Variants in UBE2D2 observed in about 807,000 individuals in gnomAD.
The protein encoded by UBE2D2 is ubiquitin conjugating enzyme E2 D2, also known as ubiquitin-conjugating enzyme E2 D2.
Under a neutral mutation model 24.2 loss-of-function variants are expected in UBE2D2, and 2 were observed. The observed-to-expected ratio is 0.08, with a 90% CI of 0.03 to 0.26. UBE2D2 has a LOEUF of 0.26. Among genes scored for constraint, UBE2D2 ranks in the 10% least tolerant of loss-of-function variants. UBE2D2 has a pLI of 1.00. For missense variants in UBE2D2, 44 were observed against 177.6 expected (o/e 0.25, Z 4.28); for synonymous variants, 58 against 56.5 (o/e 1.03, Z -0.12).
intron 1 of UBE2D2, among the ~76,000 whole-genome samples, chr5:139,565,924 A>G (rs1283023202): frequency 6.6e-6 from 1 of 152,172 alleles, no homozygotes; most frequent in Non-Finnish European, 1.5e-5. Flanking sequence ...GTACATTTTA[A>G]TGGTGTCCTA....
upstream of UBE2D2, among the ~76,000 whole-genome samples, chr5:139,558,749 G>A (rs573747350): frequency 6.6e-6 from 1 of 152,282 alleles, no homozygotes; most frequent in Non-Finnish European, 1.5e-5. Context: ...TGATGAGAGT[G>A]TGGGTGACTT....
At chr5:139,548,672 TATACAC>T (rs1561498728) in intron 1 of UBE2D2, among the ~76,000 whole-genome samples, 2 of 152,158 alleles carry the variant, frequency 1.3e-5, no homozygotes, top group Non-Finnish European at 2.9e-5. Context: ...CCACGAACTT[TATACAC>T]ACCACTTGTT....
chr5:139,582,770 A>G (rs1311567816), intron 1 of UBE2D2, among the ~76,000 whole-genome samples: 3 of 138,126 alleles, frequency 2.2e-5, no homozygotes, highest in African/African-American at 5.5e-5. Flanking sequence ...TCCTGGGTTC[A>G]CTCCATTCTC....
chr5:139,598,348 GTTC>G (rs1340178407), intron 1 of UBE2D2, among the ~76,000 whole-genome samples: 1 of 152,010 alleles, frequency 6.6e-6, no homozygotes, highest in Non-Finnish European at 1.5e-5. Context: ...ATCAAAACTA[GTTC>G]TTCTTGAGAA....
chr5:139,549,207 C>T (rs1050571354), intron 1 of UBE2D2, among the ~76,000 whole-genome samples: 5 of 152,182 alleles, frequency 3.3e-5, no homozygotes, highest in Non-Finnish European at 7.4e-5. Flanking sequence ...CTCACTCATT[C>T]TGGGCGCCTC....
At chr5:139,550,549 A>C (rs1016031625) in intron 1 of UBE2D2, among the ~76,000 whole-genome samples, 1 of 152,150 alleles carries the variant, frequency 6.6e-6, no homozygotes, top group Non-Finnish European at 1.5e-5. Flanking sequence ...CAACTGGCTC[A>C]GGTTCTCTTC....
chr5:139,533,150 A>G (rs1752618998), intron 1 of UBE2D2, among the ~76,000 whole-genome samples: 1 of 151,896 alleles, frequency 6.6e-6, no homozygotes, highest in African/African-American at 2.4e-5. Context: ...CTCAACTTAA[A>G]TATCCTTCAA....
chr5:139,555,334 C>T (rs547781260), intron 1 of UBE2D2, among the ~76,000 whole-genome samples: 1 of 152,068 alleles, frequency 6.6e-6, no homozygotes, highest in South Asian at 2.1e-4. Context: ...AGTCACTGCA[C>T]CCGGCCTAAC....
intron 1 of UBE2D2, among the ~76,000 whole-genome samples, chr5:139,553,310 T>C (rs1457911294): frequency 6.6e-6 from 1 of 152,180 alleles, no homozygotes. Context: ...AGCTCCCCTA[T>C]AGGGTTGCTG....
intron 5 of UBE2D2, among the ~76,000 whole-genome samples, chr5:139,619,857 C>G (rs752670644): frequency 5.4e-5 from 8 of 147,682 alleles, no homozygotes; most frequent in Non-Finnish European, 9.1e-5. Flanking sequence ...GAGTGAAACT[C>G]CGTCTCAAAA....
chr5:139,535,435 G>T (rs924590229), intron 1 of UBE2D2, among the ~76,000 whole-genome samples: 16 of 151,862 alleles, frequency 1.1e-4, no homozygotes, highest in African/African-American at 3.4e-4. Context: ...CAGCCTGGGA[G>T]CGAGACTCCG....
At chr5:139,568,550 C>T (rs571949980) in intron 1 of UBE2D2, among the ~76,000 whole-genome samples, 15 of 151,848 alleles carry the variant, frequency 9.9e-5, no homozygotes, top group Non-Finnish European at 1.8e-4. Context: ...CCCAGCTATT[C>T]GGGAGACTGA....
At chr5:139,528,974 C>T (rs1400576807) in intron 1 of UBE2D2, among the ~76,000 whole-genome samples, 4 of 152,086 alleles carry the variant, frequency 2.6e-5, no homozygotes, top group Admixed American at 6.6e-5. Context: ...CACACATGGC[C>T]GAAGCATGAG....
At chr5:139,567,256 C>T (rs929615647) in intron 1 of UBE2D2, among the ~76,000 whole-genome samples, 5 of 151,972 alleles carry the variant, frequency 3.3e-5, no homozygotes, top group South Asian at 4.2e-4. Flanking sequence ...CGCACCACCA[C>T]GCCCAGCTAA....
chr5:139,531,625 C>CA lies in UBE2D2; in HGVS notation c.-64+5026dup, dbSNP rs112323447. On this transcript the variant is annotated intron_variant, in intron 1 of 6. Transcript: ENST00000511725. The stretch of plus-strand genomic sequence containing the variant: ...TTGGGTGACAGAGTGAGACCCTATC[C>CA]AAAAAAAAAAAAAGAAAGAAAAAGA... Among the ~76,000 whole-genome samples, 347 of 97,230 alleles carry CA rather than the reference C, an allele frequency of 3.6e-3. 6 individuals are homozygous for CA. The highest frequency in any genetic ancestry group is 0.023 in the East Asian group (86 of 3,730). The allele number at this position is 97,230 out of a possible 152,430, so 63.8% of individuals were successfully genotyped here.
intron 1 of UBE2D2, among the ~76,000 whole-genome samples, chr5:139,598,491 G>A (rs545933814): frequency 6.6e-6 from 1 of 150,512 alleles, no homozygotes; most frequent in South Asian, 2.1e-4. Flanking sequence ...TTAAAAAGCT[G>A]AGAAGCTGGT....
rs191136793 is a variant in UBE2D2 at position 139,540,767 on chromosome 5, G to A, written c.-64+14155G>A. On this transcript the variant is annotated intron_variant, in intron 1 of 6. Transcript: ENST00000511725. ...GCACTTTGGGAGGCCAAGGTGGGCG[G>A]ATCACCTGAGGTCAGGAGTTCGAGA... Among the ~76,000 whole-genome samples the A allele has an allele frequency of 2.5e-3, 375 of 152,208 alleles. 2 individuals carry two copies. Among genetic ancestry groups the A allele is most frequent in the African/African-American group, 8.7e-3 (362 of 41,536 alleles).
At chr5:139,604,539 C>T (rs904377711) in intron 2 of UBE2D2, among the ~76,000 whole-genome samples, 1 of 152,086 alleles carries the variant, frequency 6.6e-6, no homozygotes, top group African/African-American at 2.4e-5. Context: ...CTAGTAAGCA[C>T]ACGAAAAGAT....
At chr5:139,556,469 G>T (rs1257003278), upstream of UBE2D2, among the ~76,000 whole-genome samples, 1 of 151,770 alleles carries the variant, frequency 6.6e-6, no homozygotes, top group Non-Finnish European at 1.5e-5. Context: ...ACAAATTAAA[G>T]TAGGTAGAAA....
Sources: gnomAD v4.1 joint callset for allele counts (sites outside exome capture counted in the v4.1 genomes callset) on GRCh38, gnomAD v4.1.1 for gene constraint, MANE v1.5 for transcripts, NCBI Gene and HGNC (gene_info 2026-07-23, HGNC 2026-07-21) for gene names.